Variants in SLC6A17 observed in about 807,000 individuals in gnomAD.
SLC6A17 encodes solute carrier family 6 member 17, also known as sodium-dependent neutral amino acid transporter SLC6A17.
In SLC6A17, 21 loss-of-function variants were observed where a neutral mutation model predicts 64.5. The observed-to-expected ratio is 0.33, with a 90% CI of 0.23 to 0.47. SLC6A17 has a LOEUF of 0.47. Ranked by LOEUF, SLC6A17 falls within the 20% of genes least tolerant of loss-of-function variation. The pLI is 1.00. For missense variants in SLC6A17, 682 were observed against 963.2 expected (o/e 0.71, Z 3.86); for synonymous variants, 372 against 399.5 (o/e 0.93, Z 0.82).
At chr1:110,173,904 CG>C in intron 3 of SLC6A17, 68 bp from the exon 4 acceptor site, 5 of 1,529,094 alleles carry the variant, frequency 3.3e-6, no homozygotes, top group South Asian at 2.7e-5. Flanking sequence ...TGCTGGGCCT[CG>C]GGTGGAGCGT....
chr1:110,172,623 C>T (rs1444767719), intron 3 of SLC6A17: 1 of 158,802 alleles, frequency 6.3e-6, no homozygotes, highest in African/African-American at 2.4e-5. Context: ...TTTAAGCAGG[C>T]AAGCAGGGAG....
intron 6 of SLC6A17, among the ~76,000 whole-genome samples, chr1:110,188,854 CTT>C: frequency 6.6e-6 from 1 of 152,334 alleles, no homozygotes; most frequent in East Asian, 1.9e-4. Flanking sequence ...CTGCCTCTCT[CTT>C]TTCTTCACTT....
intron 6 of SLC6A17, among the ~76,000 whole-genome samples, chr1:110,179,532 T>G (rs1460613153): frequency 1.5e-5 from 1 of 67,978 alleles, no homozygotes; most frequent in African/African-American, 6.2e-5. Flanking sequence ...CCCCTTCCCC[T>G]CCCCTCCCCT....
chr1:110,168,655 A>G (rs1656137810), intron 2 of SLC6A17, among the ~76,000 whole-genome samples: 2 of 152,224 alleles, frequency 1.3e-5, no homozygotes, highest in African/African-American at 4.8e-5. Flanking sequence ...TGTTGAGAAG[A>G]GCTCCAAGGC....
intron 5 of SLC6A17, 135 bp from the exon 6 acceptor site, chr1:110,176,494 T>C: frequency 3.8e-6 from 3 of 796,512 alleles, no homozygotes; most frequent in Non-Finnish European, 6.3e-6. Context: ...GTTTTGGCCC[T>C]CTGCCCAGGG....
In SLC6A17 at chr1:110,176,699, G is replaced by A. The variant is rs147200498; in HGVS notation, c.824G>A (p.Arg275Gln). ...ACFLVRGLLL[R>Q]GAVDGILHMF... ...TTCCTGGTCCGGGGGCTGTTGCTGC[G>A]AGGGGCAGTTGATGGCATCCTACAC... is the stretch of plus-strand genomic sequence containing the variant. Residue 275 changes from arginine (R) to glutamine (Q), a missense_variant, in exon 6 of 12, where the codon CGA becomes CAA. By Grantham distance (43) the Arg-to-Gln change is conservative (BLOSUM62 1). This residue lies in a region of SLC6A17 where 415 missense variants were observed against 603.8 expected (regional missense o/e 0.69). Coordinates refer to ENST00000331565, the MANE Select transcript of SLC6A17 (RefSeq NM_001010898.4). The A allele has an allele frequency of 9.2e-5, 148 of 1,613,944 alleles. No homozygotes were observed. The highest frequency in any genetic ancestry group is 1.1e-4 in the Non-Finnish European group (132 of 1,179,976).
In SLC6A17 at chr1:110,192,619, A is replaced by G. The variant is rs1656860015; in HGVS notation, c.1220A>G (p.Asn407Ser). 1.1e-5 allele frequency: 17 copies of G among 1,614,158 alleles called. No homozygotes were observed. Among genetic ancestry groups the G allele is most frequent in the Non-Finnish European group, 1.4e-5 (16 of 1,180,028 alleles). ...ACAAAGGACTACATGGAGATGTACA[A>G]TGTCATCATGACCGTGAAGGAGGAC... ...LTTKDYMEMY[N>S]VIMTVKEDQF... is the part of the protein sequence containing the mutation. The change falls in exon 8 of 12, where the codon AAT becomes AGT. Residue 407 changes from asparagine to serine, a missense_variant. Transcript: ENST00000331565. The surrounding 1 kb of genome is among the most constrained non-coding windows in gnomAD (Gnocchi z 4.3).
chr1:110,174,019 G>A lies in SLC6A17; in HGVS notation c.491G>A (p.Ser164Asn). ...GLYYNVIIGW[S>N]IFYFFKSFQY... ...TATTATAATGTGATCATCGGGTGGA[G>A]CATCTTCTATTTCTTCAAGTCCTTC... The change falls in exon 4 of 12, where the codon AGC (serine) becomes AAC (asparagine). Residue 164 changes from serine to asparagine, a missense_variant. This residue lies in a region of SLC6A17 where 415 missense variants were observed against 603.8 expected (regional missense o/e 0.69). Coordinates refer to ENST00000331565, the MANE Select transcript of SLC6A17 (RefSeq NM_001010898.4). 6.2e-7 allele frequency: 1 copy of A among 1,614,190 alleles called. No individual in the cohort carries two copies. The highest frequency in any genetic ancestry group is 8.5e-7 in the Non-Finnish European group (1 of 1,180,032).
At chr1:110,176,832 C>T (rs764521515) in intron 6 of SLC6A17, 93 bp downstream of exon 6, 310 of 1,080,664 alleles carry the variant, frequency 2.9e-4, no homozygotes, top group Non-Finnish European at 4.2e-4. Flanking sequence ...TAATGCACTC[C>T]GAACACCTGC....
At chr1:110,180,788 A>G (rs1384180815) in intron 6 of SLC6A17, among the ~76,000 whole-genome samples, 2 of 152,062 alleles carry the variant, frequency 1.3e-5, no homozygotes, top group Non-Finnish European at 2.9e-5. Flanking sequence ...TATAATATAA[A>G]TGACATCCCC....
intron 1 of SLC6A17, among the ~76,000 whole-genome samples, chr1:110,162,897 T>C (rs1350023822): frequency 1.3e-5 from 2 of 151,152 alleles, no homozygotes; most frequent in Non-Finnish European, 2.9e-5. Context: ...CCTTGACACA[T>C]GAGGAAACTG....
At chr1:110,170,652 C>G (rs1009943826) in intron 2 of SLC6A17, among the ~76,000 whole-genome samples, 11 of 152,232 alleles carry the variant, frequency 7.2e-5, no homozygotes, top group Non-Finnish European at 1.2e-4. Context: ...AGCCCTCTCT[C>G]CTTTGAGCAC....
chr1:110,179,678 C>T lies in SLC6A17; in HGVS notation c.864+2939C>T, dbSNP rs972589109. 3.3e-5 allele frequency among the ~76,000 whole-genome samples: 5 copies of T among 151,926 alleles called. No individual in the cohort carries two copies. The South Asian group carries it at 6.2e-4, about 19-fold the overall frequency. On this transcript the variant is annotated intron_variant, in intron 6 of 11. Transcript: ENST00000331565. The stretch of plus-strand genomic sequence containing the variant: ...AAGCTATTCTCCTGCCTCAGCCTCC[C>T]GAGTAGCTGGGATGACAGGCATGCG...
intron 1 of SLC6A17, among the ~76,000 whole-genome samples, chr1:110,161,427 T>G (rs1212186264): frequency 1.3e-5 from 2 of 152,064 alleles, no homozygotes; most frequent in Non-Finnish European, 2.9e-5. Context: ...AGGGTGCCTG[T>G]TGGAACACCC....
Position 110,156,001 on chromosome 1 carries a change from A to G in SLC6A17, c.-88+5118A>G, listed in dbSNP as rs142506366. On this transcript the variant is annotated intron_variant, in intron 1 of 11. Coordinates refer to ENST00000331565, the MANE Select transcript of SLC6A17 (RefSeq NM_001010898.4). ...TGCCAAGTGAGTATTCATTGAGGAC[A>G]TGGGTCTCCCTTCCTTTGCCCAGGT... Among the ~76,000 whole-genome samples, 219 of 152,290 alleles carry G rather than the reference A, an allele frequency of 1.4e-3. 1 individual carries two copies. Among genetic ancestry groups the G allele is most frequent in the Non-Finnish European group, 2.2e-3 (149 of 68,022 alleles).
chr1:110,166,144 A>G (rs1384969604), intron 1 of SLC6A17: 1 of 152,250 alleles, frequency 6.6e-6, no homozygotes, highest in Admixed American at 6.5e-5. Context: ...CAATGACCCA[A>G]GATTCATTGG....
chr1:110,167,987 T>C (rs903236514), intron 2 of SLC6A17, among the ~76,000 whole-genome samples: 2 of 152,170 alleles, frequency 1.3e-5, no homozygotes, highest in Non-Finnish European at 2.9e-5. Flanking sequence ...CCCCCTAGGC[T>C]TGAATCCCTC....
chr1:110,154,944 G>A lies in SLC6A17; in HGVS notation c.-88+4061G>A, dbSNP rs538179019. ...CTTCTTCCTGGTCTTTTCCCACAGA[G>A]AGCCCACTTTCTCCTCACTCCAAAA... On this transcript the variant is annotated intron_variant, in intron 1 of 11. Coordinates refer to ENST00000331565, the MANE Select transcript of SLC6A17 (RefSeq NM_001010898.4). 3.3e-5 allele frequency among the ~76,000 whole-genome samples: 5 copies of A among 152,260 alleles called. No individual in the cohort carries two copies. In the South Asian group the frequency reaches 1.0e-3, roughly 32 times the overall value.
chr1:110,163,323 A>C (rs915639861), intron 1 of SLC6A17, among the ~76,000 whole-genome samples: 1 of 152,152 alleles, frequency 6.6e-6, no homozygotes, highest in Non-Finnish European at 1.5e-5. Flanking sequence ...CTCCACTCCC[A>C]TGGTCAGCTC....
Sources: allele counts gnomAD v4.1 joint callset (sites outside exome capture counted in the v4.1 genomes callset), GRCh38; gene constraint gnomAD v4.1.1; regional missense constraint gnomAD v4.1.1; non-coding constraint Gnocchi (gnomAD v3.1); transcripts MANE v1.5; gene names NCBI Gene and HGNC (gene_info 2026-07-23, HGNC 2026-07-21).